The following PARP3 variants were observed in gnomAD, a reference collection of about 807,000 sequenced individuals.
PARP3 encodes the protein protein mono-ADP-ribosyltransferase PARP3.
PARP3 carries 46 observed loss-of-function variants against 58.2 expected under a neutral mutation model. The observed-to-expected ratio is 0.79, with a 90% CI of 0.62 to 1.01. The LOEUF is 1.01. PARP3 is among the 50% of genes least tolerant of loss of function. PARP3 has a pLI of 0.00. For missense variants in PARP3, 663 were observed against 683.9 expected (o/e 0.97, Z 0.34); for synonymous variants, 252 against 266.4 (o/e 0.95, Z 0.53).
Position 51,944,523 on chromosome 3 carries a change from A to C in PARP3, c.446A>C (p.Lys149Thr). The C allele has an allele frequency of 6.2e-7, 1 of 1,614,210 alleles. No individual in the cohort carries two copies. Among genetic ancestry groups the C allele is most frequent in the Non-Finnish European group, 8.5e-7 (1 of 1,180,034 alleles). Residue 149 changes from lysine to threonine, a missense_variant, in exon 4 of 11, where the codon AAG becomes ACG. Around this residue, in one of 3 missense-constraint regions of PARP3, gnomAD observed 567 missense variants for 553.6 expected, o/e 1.02. Coordinates refer to ENST00000398755, the MANE Select transcript of PARP3 (RefSeq NM_001003931.4). This position sits in a 1 kb window ranked among gnomAD's most constrained non-coding sequence, Gnocchi z 4.2. Reference sequence around the variant, plus strand: ...GACCACTTTGTGTCTCACCCGGGCAAGTACACACTTATCGAAGTACAGGCA... The same window carrying C: ...GACCACTTTGTGTCTCACCCGGGCACGTACACACTTATCGAAGTACAGGCA... ...ERDHFVSHPG[K>T]YTLIEVQAED...
rs1699741671 is a variant in PARP3, at chr3:51,948,803, C to G, written c.*323C>G. 2 of 326,494 alleles carry G rather than the reference C, an allele frequency of 6.1e-6. No individual in the cohort carries two copies. Among genetic ancestry groups the G allele is most frequent in the South Asian group, 1.4e-4 (2 of 14,638 alleles). The allele number at this position is 326,494 out of a possible 1,614,324, so 20.2% of individuals were successfully genotyped here. ...GTCTTTCTGTGCCTGGCTTATTTCA[C>G]TCAGCATAATGTGCACCGGGTTCAC... On this transcript the variant is annotated 3_prime_UTR_variant, in exon 11 of 11. Coordinates refer to ENST00000398755, the MANE Select transcript of PARP3 (RefSeq NM_001003931.4).
Position 51,948,724 on chromosome 3 carries a change from T to G in PARP3, c.*244T>G, listed in dbSNP as rs992914118. On this transcript the variant is annotated 3_prime_UTR_variant, in exon 11 of 11. Coordinates refer to ENST00000398755, the MANE Select transcript of PARP3 (RefSeq NM_001003931.4). ...GGTAACCAGCATTTGACTCTTTACT[T>G]GTATAAGGGCAGCTTTTATAGGTTC... The G allele has an allele frequency of 2.1e-5, 10 of 484,666 alleles. No individual in the cohort carries two copies. Among genetic ancestry groups the G allele is most frequent in the Non-Finnish European group, 3.3e-5 (9 of 274,494 alleles). 30.0% of individuals were successfully genotyped at this position (484,666 alleles called of 1,614,324 possible). A position where few individuals can be genotyped will look rare whatever the true frequency, so the allele number is the denominator to read the frequency against.
intron 1 of PARP3, 58 bp downstream of exon 1, chr3:51,942,766 C>A: frequency 6.5e-7 from 1 of 1,546,404 alleles, no homozygotes; most frequent in South Asian, 1.2e-5. Flanking sequence ...TGGGACTGGC[C>A]TTTGCCCTCT....
At chr3:51,943,187 A>G (rs1442851820) in intron 1 of PARP3, 167 bp from the exon 2 acceptor site, 6 of 925,240 alleles carry the variant, frequency 6.5e-6, no homozygotes, top group East Asian at 2.7e-5. Flanking sequence ...GGGGCTGGGA[A>G]TGCCGTCAGA....
chr3:51,943,442 C>T lies in PARP3; in HGVS notation c.87C>T (p.Phe29=), dbSNP rs1404408798. The change falls in exon 2 of 11, where the codon TTC becomes TTT. Residue 29 remains phenylalanine (F), a synonymous_variant. Transcript: ENST00000398755. The part of the protein sequence containing the change: ...GRQAGREEDP[F]RSTAEALKAI... ...AGGCAGGAAGGGAGGAGGACCCCTT[C>T]CGCTCCACCGCTGAGGCCCTCAAGG... 1 of 1,607,462 alleles carries T rather than the reference C, an allele frequency of 6.2e-7. No homozygotes were observed. Among genetic ancestry groups the T allele is most frequent in the African/African-American group, 1.3e-5 (1 of 74,828 alleles).
Position 51,942,639 on chromosome 3 carries a change from T to C in PARP3, c.-72T>C, listed in dbSNP as rs1460197289. On this transcript the variant is annotated 5_prime_UTR_variant, in exon 1 of 11. Transcript: ENST00000398755. ...CATGGAGAGTTGCTAGACCTGGGAC[T>C]GCCCTGGGAGGCGCACACAACCAGG... is the stretch of plus-strand genomic sequence containing the variant. 2 of 1,033,632 alleles carry C rather than the reference T, an allele frequency of 1.9e-6. No homozygotes were observed. The highest frequency in any genetic ancestry group is 3.0e-6 in the Non-Finnish European group (2 of 671,420). 64.0% of individuals were successfully genotyped at this position (1,033,632 alleles called of 1,614,324 possible).
chr3:51,944,071 A>G lies in PARP3; in HGVS notation c.184-18A>G. 6.3e-7 allele frequency: 1 copy of G among 1,595,904 alleles called. No individual in the cohort carries two copies. The highest frequency in any genetic ancestry group is 1.1e-5 in the South Asian group (1 of 90,408). The stretch of plus-strand genomic sequence containing the variant: ...TCTGACCCCAGCCAGCCTGCCCCCC[A>G]CCTCCCCTCTGGCCCAGGTGTATGA... On this transcript the variant is annotated intron_variant, in intron 2 of 10. Coordinates refer to ENST00000398755, the MANE Select transcript of PARP3 (RefSeq NM_001003931.4). This position sits in a 1 kb window ranked among gnomAD's most constrained non-coding sequence, Gnocchi z 4.2.
At position 51,945,029 on chromosome 3, in the gene PARP3, C is replaced by A. The variant is rs761582982; in HGVS notation, c.666C>A (p.Ser222Arg). The change falls in exon 6 of 11, where the codon AGC (serine) becomes AGA (arginine). Residue 222 changes from serine (S) to arginine (R), a missense_variant. Transcript: ENST00000398755. ...AGAAGATGCCCCTGGGAAAGCTGAG[C>A]AAGCAACAGATTGCACGGGGTTTCG... ...DVKKMPLGKLSKQQIARGFEA... is the reference protein window; with the variant it reads ...DVKKMPLGKLRKQQIARGFEA... 2.5e-6 allele frequency: 4 copies of A among 1,613,918 alleles called. No homozygotes were observed. In the African/African-American group the frequency reaches 5.3e-5, roughly 22 times the overall value.
Position 51,945,088 on chromosome 3 carries a change from G to T in PARP3, c.725G>T (p.Gly242Val), listed in dbSNP as rs1423643511. The T allele has an allele frequency of 1.9e-6, 3 of 1,614,158 alleles. No homozygotes were observed. The highest frequency in any genetic ancestry group is 4.5e-5 in the East Asian group (2 of 44,884). Residue 242 changes from glycine to valine, a missense_variant, in exon 6 of 11, where the codon GGC (glycine) becomes GTC (valine). Gly to Val is a moderately radical substitution (Grantham distance 109). Coordinates refer to ENST00000398755, the MANE Select transcript of PARP3 (RefSeq NM_001003931.4). ...ALEALEEALK[G>V]PTDGGQSLEE... ...GAGGCGCTGGAGGAGGCCCTGAAAG[G>T]CCCCACGGATGGTGGCCAAAGCCTG...
In PARP3 at chr3:51,945,837, T is replaced by C. The variant is rs1471952460; in HGVS notation, c.1012-16T>C. 6.2e-7 allele frequency: 1 copy of C among 1,611,856 alleles called. No homozygotes were observed. Among genetic ancestry groups the C allele is most frequent in the South Asian group, 1.1e-5 (1 of 91,020 alleles). On this transcript the variant is annotated splice_polypyrimidine_tract_variant and intron_variant, in intron 7 of 10. Transcript: ENST00000398755. ...GAGCCTCCCACCCTGGCAACCAGCT[T>C]CTGCTCTCCCCACAGGTGATACAGA...
In PARP3 at chr3:51,944,531, C is replaced by T; in HGVS notation, c.454C>T (p.Leu152Phe). 3.1e-6 allele frequency: 5 copies of T among 1,614,230 alleles called. 1 individual carries two copies. Among genetic ancestry groups the T allele is most frequent in the Non-Finnish European group, 4.2e-6 (5 of 1,180,030 alleles). ...HFVSHPGKYT[L>F]IEVQAEDEAQ... ...TGTGTCTCACCCGGGCAAGTACACA[C>T]TTATCGAAGTACAGGCAGAGGATGA... The change falls in exon 4 of 11, where the codon CTT becomes TTT. Residue 152 changes from leucine (L) to phenylalanine (F), a missense_variant. Physicochemically the swap from Leu to Phe is conservative, Grantham distance 22 (BLOSUM62 0). This residue lies in a region of PARP3 where 567 missense variants were observed against 553.6 expected (regional missense o/e 1.02). Transcript: ENST00000398755. The surrounding 1 kb of genome is among the most constrained non-coding windows in gnomAD (Gnocchi z 4.2).
chr3:51,943,342 G>A lies in PARP3; in HGVS notation c.-2-12G>A, dbSNP rs1699587589. Reference sequence around the variant, plus strand: ...CATGGAGGCCTAAGGGCCTCTCTGTGCCCCAGGACAGCCATGGCTCCAAAG... The same window carrying A: ...CATGGAGGCCTAAGGGCCTCTCTGTACCCCAGGACAGCCATGGCTCCAAAG... On this transcript the variant is annotated splice_polypyrimidine_tract_variant and intron_variant, in intron 1 of 10. Coordinates refer to ENST00000398755, the MANE Select transcript of PARP3 (RefSeq NM_001003931.4). The A allele has an allele frequency of 2.6e-6, 4 of 1,556,222 alleles. No individual in the cohort carries two copies. The South Asian group carries it at 4.7e-5, about 18-fold the overall frequency.
Position 51,943,435 on chromosome 3 carries a change from A to C in PARP3, c.80A>C (p.Asp27Ala), listed in dbSNP as rs1275794552. Reference sequence around the variant, plus strand: ...GGCCGGCAGGCAGGAAGGGAGGAGGACCCCTTCCGCTCCACCGCTGAGGCC... The same window carrying C: ...GGCCGGCAGGCAGGAAGGGAGGAGGCCCCCTTCCGCTCCACCGCTGAGGCC... ...KKGRQAGREE[D>A]PFRSTAEALK... Residue 27 changes from aspartate (D) to alanine (A), a missense_variant, in exon 2 of 11, where the codon GAC becomes GCC. Transcript: ENST00000398755. The C allele has an allele frequency of 6.2e-7, 1 of 1,606,674 alleles. No homozygotes were observed. Among genetic ancestry groups the C allele is most frequent in the Admixed American group, 1.7e-5 (1 of 59,156 alleles).
At chr3:51,947,131 G>A (rs905687030) in intron 9 of PARP3, among the ~76,000 whole-genome samples, 6 of 152,182 alleles carry the variant, frequency 3.9e-5, no homozygotes, top group South Asian at 4.1e-4. Context: ...GATGGGGAGC[G>A]TGTGGGAAAG....
In PARP3 at chr3:51,942,512, C is replaced by T. The variant is rs1699568481; in HGVS notation, c.-199C>T. On this transcript the variant is annotated 5_prime_UTR_variant, in exon 1 of 11. Coordinates refer to ENST00000398755, the MANE Select transcript of PARP3 (RefSeq NM_001003931.4). ...TCGGCCTGCCCCAGCCTCTGCTTCA[C>T]CCCACTGGTGGCCAAATAGCCGATG... 2.9e-6 allele frequency: 2 copies of T among 689,656 alleles called. No homozygotes were observed. Among genetic ancestry groups the T allele is most frequent in the African/African-American group, 3.5e-5 (2 of 56,994 alleles). 42.7% of individuals were successfully genotyped at this position (689,656 alleles called of 1,614,324 possible).
At chr3:51,945,311 G>C in intron 6 of PARP3, 87 bp downstream of exon 6, 1 of 1,447,470 alleles carries the variant, frequency 6.9e-7, no homozygotes, top group Non-Finnish European at 9.5e-7. Context: ...GGCCAAGAAG[G>C]CCCAGAAGGA....
At position 51,942,381 on chromosome 3, in the gene PARP3, G is replaced by A. The variant is rs1699565112; in HGVS notation, c.-330G>A. On this transcript the variant is annotated 5_prime_UTR_variant, in exon 1 of 11. The change abolishes an upstream ATG in the 5' untranslated region. Transcript: ENST00000398755. ...CAAGGTCACCGCGCGACCGGCAGAT[G>A]CGTGCTGCAGGCCCCGGCCACATGA... 3.7e-6 allele frequency: 2 copies of A among 535,608 alleles called. No homozygotes were observed. The highest frequency in any genetic ancestry group is 6.5e-5 in the East Asian group (2 of 30,594). 33.2% of individuals were successfully genotyped at this position (535,608 alleles called of 1,614,324 possible).
In PARP3 at chr3:51,944,807, T is replaced by A. The variant is rs1356954146; in HGVS notation, c.531T>A (p.Thr177=). The part of the protein sequence containing the change: ...KVDRGPVRTV[T]KRVQPCSLDP... ...ACAGAGGCCCAGTGAGGACTGTGAC[T>A]AAGCGGGTGCAGCCCTGCTCCCTGG... The change falls in exon 5 of 11, where the codon ACT becomes ACA. Residue 177 remains threonine (T), a synonymous_variant. Coordinates refer to ENST00000398755, the MANE Select transcript of PARP3 (RefSeq NM_001003931.4). The surrounding 1 kb of genome is among the most constrained non-coding windows in gnomAD (Gnocchi z 4.2). The A allele has an allele frequency of 6.2e-7, 1 of 1,613,312 alleles. No homozygotes were observed. The highest frequency in any genetic ancestry group is 1.7e-5 in the Admixed American group (1 of 59,928).
chr3:51,947,748 A>G lies in PARP3; in HGVS notation c.1285A>G (p.Met429Val), dbSNP rs767354688. The G allele has an allele frequency of 1.2e-6, 2 of 1,614,020 alleles. No individual in the cohort carries two copies. The highest frequency in any genetic ancestry group is 2.2e-5 in the East Asian group (1 of 44,892). Residue 429 changes from methionine (M) to valine (V), a missense_variant, in exon 10 of 11, where the codon ATG (methionine) becomes GTG (valine). This residue lies in a region of PARP3 where 567 missense variants were observed against 553.6 expected (regional missense o/e 1.02). Transcript: ENST00000398755. ...NSKSAGYVIG[M>V]KCGAHHVGYM... is the part of the protein sequence containing the mutation. ...CTCCCTGTGTCTTGCAGTTATTGGC[A>G]TGAAGTGTGGGGCCCACCATGTCGG...
Sources: allele counts gnomAD v4.1 joint callset (sites outside exome capture counted in the v4.1 genomes callset), GRCh38; gene constraint gnomAD v4.1.1; regional missense constraint gnomAD v4.1.1; non-coding constraint Gnocchi (gnomAD v3.1); transcripts MANE v1.5; gene names NCBI Gene and HGNC (gene_info 2026-07-23, HGNC 2026-07-21).